Variants in SH2D4B observed in about 807,000 individuals in gnomAD.
The protein encoded by SH2D4B is SH2 domain-containing protein 4B.
A neutral mutation model predicts 61.5 loss-of-function variants in SH2D4B; 45 were observed. That is an observed-to-expected ratio of 0.73 (90% confidence interval 0.58 to 0.94). The LOEUF is 0.94. Among genes scored for constraint, SH2D4B ranks in the 40% least tolerant of loss-of-function variants. The pLI is 0.00. For synonymous variants in SH2D4B, 224 were observed against 220.4 expected, an observed-to-expected ratio of 1.02 and a Z score of -0.14; for missense variants, 572 against 574.2, an observed-to-expected ratio of 1.00 and a Z score of 0.04.
At chr10:80,603,157 C>T (rs996445871) in intron 4 of SH2D4B, among the ~76,000 whole-genome samples, 3 of 152,054 alleles carry the variant, frequency 2.0e-5, no homozygotes, top group Admixed American at 6.5e-5. Context: ...GCCACCTTGA[C>T]GGGTGAGCTG....
intron 6 of SH2D4B, among the ~76,000 whole-genome samples, chr10:80,629,780 G>C (rs1057118138): frequency 6.6e-6 from 1 of 152,180 alleles, no homozygotes; most frequent in Non-Finnish European, 1.5e-5. Flanking sequence ...GTAAGACATA[G>C]CTATTAATAT....
Position 80,603,571 on chromosome 10 carries a change from C to T in SH2D4B, c.644-8C>T, listed in dbSNP as rs1457596551. 2.0e-6 allele frequency: 3 copies of T among 1,537,344 alleles called. No individual in the cohort carries two copies. In the Admixed American group the frequency reaches 5.9e-5, roughly 30 times the overall value. ...ATCTGGGCTAACGTGCTGTCTTCCTCTTTCCAGTGCGCCGGTCCAAGGCGG... is the reference window on the plus strand; with the variant it reads ...ATCTGGGCTAACGTGCTGTCTTCCTTTTTCCAGTGCGCCGGTCCAAGGCGG... On this transcript the variant is annotated splice_region_variant and splice_polypyrimidine_tract_variant and intron_variant, in intron 4 of 7. Transcript: ENST00000646907.
chr10:80,599,641 A>AC (rs1039916159), intron 4 of SH2D4B, among the ~76,000 whole-genome samples: 1 of 152,118 alleles, frequency 6.6e-6, no homozygotes, highest in Non-Finnish European at 1.5e-5. Flanking sequence ...AGGCTTCAGG[A>AC]CCACAAGGGT....
chr10:80,628,322 G>A (rs1299219175), intron 6 of SH2D4B, among the ~76,000 whole-genome samples: 1 of 152,164 alleles, frequency 6.6e-6, no homozygotes, highest in Non-Finnish European at 1.5e-5. Context: ...TAGCAAATAA[G>A]TCTCATGAGA....
At chr10:80,620,115 T>C (rs1172838482) in intron 6 of SH2D4B, among the ~76,000 whole-genome samples, 1 of 152,212 alleles carries the variant, frequency 6.6e-6, no homozygotes, top group Non-Finnish European at 1.5e-5. Context: ...TCATTGTGCA[T>C]GGAAGGCTGA....
chr10:80,633,510 G>A (rs1388575415), intron 6 of SH2D4B, among the ~76,000 whole-genome samples: 1 of 152,112 alleles, frequency 6.6e-6, no homozygotes, highest in African/African-American at 2.4e-5. Context: ...GGTAATCCAG[G>A]TCTTCTGGCT....
intron 6 of SH2D4B, among the ~76,000 whole-genome samples, chr10:80,621,854 C>T (rs943055206): frequency 3.9e-5 from 6 of 152,128 alleles, no homozygotes; most frequent in Admixed American, 2.0e-4. Flanking sequence ...TGCTATATAG[C>T]TGGGATTACA....
intron 1 of SH2D4B, among the ~76,000 whole-genome samples, chr10:80,546,811 G>A (rs1370452427): frequency 6.6e-6 from 1 of 151,768 alleles, no homozygotes; most frequent in Non-Finnish European, 1.5e-5. Context: ...ACAGGCGTGA[G>A]CCACCGCGCC....
chr10:80,592,829 A>G (rs1435217156), intron 4 of SH2D4B, among the ~76,000 whole-genome samples: 1 of 147,192 alleles, frequency 6.8e-6, no homozygotes, highest in Non-Finnish European at 1.5e-5. Context: ...CTATCCTCCC[A>G]TTTCAGCATC....
intron 3 of SH2D4B, among the ~76,000 whole-genome samples, chr10:80,573,606 G>C (rs958275453): frequency 1.3e-5 from 2 of 152,038 alleles, no homozygotes; most frequent in Non-Finnish European, 2.9e-5. Flanking sequence ...CTTCTCATTT[G>C]ACTTGCTGCC....
intron 3 of SH2D4B, among the ~76,000 whole-genome samples, chr10:80,577,636 C>T (rs945193838): frequency 2.0e-5 from 3 of 152,010 alleles, no homozygotes; most frequent in Non-Finnish European, 4.4e-5. Flanking sequence ...CCATGTTAGC[C>T]AGGATGGTCT....
chr10:80,595,624 C>G (rs1471148496), intron 4 of SH2D4B, among the ~76,000 whole-genome samples: 1 of 152,170 alleles, frequency 6.6e-6, no homozygotes, highest in African/African-American at 2.4e-5. Context: ...ACCTGAGTGA[C>G]TGCTGCACTC....
intron 1 of SH2D4B, among the ~76,000 whole-genome samples, chr10:80,552,275 T>C (rs796460903): frequency 3.9e-5 from 6 of 152,268 alleles, no homozygotes; most frequent in African/African-American, 1.4e-4. Flanking sequence ...CGGTGCAGTT[T>C]CCCTTTCCTT....
intron 6 of SH2D4B, among the ~76,000 whole-genome samples, chr10:80,610,173 A>G (rs899671442): frequency 6.6e-6 from 1 of 152,018 alleles, no homozygotes; most frequent in Non-Finnish European, 1.5e-5. Flanking sequence ...TGGCTGGCAC[A>G]TTCTCATTTT....
intron 6 of SH2D4B, among the ~76,000 whole-genome samples, chr10:80,633,126 G>A (rs1050949990): frequency 1.6e-4 from 24 of 151,796 alleles, no homozygotes; most frequent in African/African-American, 4.6e-4. Context: ...ACTGCGGCTC[G>A]CTCGGGAGTG....
intron 2 of SH2D4B, 35 bp downstream of exon 2, chr10:80,570,351 G>A (rs1375856593): frequency 1.9e-6 from 3 of 1,607,842 alleles, no homozygotes; most frequent in African/African-American, 2.7e-5. Flanking sequence ...GTGGGGCCTA[G>A]GCATGGAAGC....
At chr10:80,552,023 C>A in intron 1 of SH2D4B, among the ~76,000 whole-genome samples, 1 of 152,202 alleles carries the variant, frequency 6.6e-6, no homozygotes, top group East Asian at 1.9e-4. Context: ...CTGGCCTCTT[C>A]TTATAAAGGC....
At chr10:80,630,889 C>A (rs1021504082) in intron 6 of SH2D4B, among the ~76,000 whole-genome samples, 24 of 152,294 alleles carry the variant, frequency 1.6e-4, no homozygotes, top group Admixed American at 7.9e-4. Flanking sequence ...ATAGAGCCTG[C>A]TGTCTGCTGT....
chr10:80,635,541 T>C (rs1227654108), intron 7 of SH2D4B, among the ~76,000 whole-genome samples: 3 of 152,190 alleles, frequency 2.0e-5, no homozygotes, highest in Non-Finnish European at 2.9e-5. Flanking sequence ...TTATGAATAA[T>C]ACACATGGAG....
Sources: allele counts gnomAD v4.1 joint callset (sites outside exome capture counted in the v4.1 genomes callset), GRCh38; gene constraint gnomAD v4.1.1; transcripts MANE v1.5; gene names NCBI Gene and HGNC (gene_info 2026-07-23, HGNC 2026-07-21).